Variants in AFMID observed in about 807,000 individuals in gnomAD.
AFMID encodes kynurenine formamidase.
AFMID carries 39 observed loss-of-function variants against 47.5 expected under a neutral mutation model. That is an observed-to-expected ratio of 0.82 (90% CI 0.64 to 1.07). The LOEUF is 1.07. AFMID is among the 50% of genes least tolerant of loss of function. The pLI, the probability that AFMID is intolerant of heterozygous loss-of-function variation, is 0.00. For synonymous variants in AFMID, 130 were observed against 153.2 expected (o/e 0.85, Z 1.12); for missense variants, 375 against 387.5 (o/e 0.97, Z 0.27).
At chr17:78,198,074 C>A (rs1188121506) in intron 2 of AFMID, among the ~76,000 whole-genome samples, 1 of 152,016 alleles carries the variant, frequency 6.6e-6, no homozygotes, top group East Asian at 1.9e-4. Flanking sequence ...ACAAAAAATA[C>A]AAAAGTTAGC....
At position 78,202,701 on chromosome 17, in the gene AFMID, A is replaced by C. The variant is rs1280905381; in HGVS notation, c.260-2A>C. On this transcript the variant is annotated splice_acceptor_variant, in intron 3 of 10. Coordinates refer to ENST00000409257, the MANE Select transcript of AFMID (RefSeq NM_001010982.5). LOFTEE classifies it high-confidence loss of function. ...TCACACGCCCTGTGCTTGGTTTTGCAGCCTTGCCTTTCTTCCTGTTCTTTC... is the reference window on the plus strand; with the variant it reads ...TCACACGCCCTGTGCTTGGTTTTGCCGCCTTGCCTTTCTTCCTGTTCTTTC... 6.4e-7 allele frequency: 1 copy of C among 1,561,230 alleles called. No homozygotes were observed. Among genetic ancestry groups the C allele is most frequent in the South Asian group, 1.2e-5 (1 of 84,980 alleles).
At chr17:78,192,042 A>G (rs2075982855) in intron 2 of AFMID, among the ~76,000 whole-genome samples, 1 of 151,542 alleles carries the variant, frequency 6.6e-6, no homozygotes, top group Non-Finnish European at 1.5e-5. Flanking sequence ...CTTGTTGCCC[A>G]GGCTGGAGTG....
chr17:78,198,586 C>T (rs908775977), intron 2 of AFMID, among the ~76,000 whole-genome samples: 23 of 148,928 alleles, frequency 1.5e-4, no homozygotes, highest in Non-Finnish European at 2.2e-4. Context: ...TTGGAGTGAG[C>T]GGAGATTGCG....
chr17:78,195,580 G>A (rs1413359057), intron 2 of AFMID, among the ~76,000 whole-genome samples: 1 of 148,852 alleles, frequency 6.7e-6, no homozygotes, highest in South Asian at 2.1e-4. Context: ...TCAGCTCACC[G>A]CAACCTCTGC....
At chr17:78,189,202 A>C (rs996968421) in intron 1 of AFMID, among the ~76,000 whole-genome samples, 1 of 150,790 alleles carries the variant, frequency 6.6e-6, no homozygotes, top group African/African-American at 2.4e-5. Context: ...CTTTCTTCAA[A>C]ATCTGGTTCC....
At position 78,205,952 on chromosome 17, in the gene AFMID, T is replaced by G. The variant is rs889343771; in HGVS notation, c.787T>G (p.Cys263Gly). ...RQSWEFYQTL[C>G]QGEWKASFEE... is the part of the protein sequence containing the mutation. ...CCATGTCTCCCCTGCCCAGACCCTGTGTCAAGGAGAGTGGAAAGCCTCATT... is the reference window on the plus strand; with the variant it reads ...CCATGTCTCCCCTGCCCAGACCCTGGGTCAAGGAGAGTGGAAAGCCTCATT... Residue 263 changes from cysteine to glycine, a missense_variant, in exon 10 of 11, where the codon TGT (cysteine) becomes GGT (glycine). Transcript: ENST00000409257. 2 of 1,613,832 alleles carry G rather than the reference T, an allele frequency of 1.2e-6. No individual in the cohort carries two copies. The highest frequency in any genetic ancestry group is 1.7e-6 in the Non-Finnish European group (2 of 1,179,962).
chr17:78,204,779 G>T (rs776745667), intron 5 of AFMID, 38 bp downstream of exon 5: 7 of 1,614,178 alleles, frequency 4.3e-6, no homozygotes, highest in Non-Finnish European at 5.9e-6. Context: ...AGGGCCGGTG[G>T]GCTTTAGGAG....
rs374170732 is a variant in AFMID at position 78,191,086 on chromosome 17, G to A, written c.154+26G>A. On this transcript the variant is annotated intron_variant, in intron 2 of 10. Coordinates refer to ENST00000409257, the MANE Select transcript of AFMID (RefSeq NM_001010982.5). ...GTACTAGTGTGACCTCTCCGTGGCC[G>A]CATTGGGTGTCCTTAAGCATGTGGC... 3.0e-5 allele frequency: 47 copies of A among 1,587,308 alleles called. No individual in the cohort carries two copies. The East Asian group carries it at 3.4e-4, about 11-fold the overall frequency.
intron 1 of AFMID, among the ~76,000 whole-genome samples, chr17:78,188,918 G>C (rs1236907202): frequency 6.6e-6 from 1 of 152,010 alleles, no homozygotes; most frequent in African/African-American, 2.4e-5. Context: ...TTTTAATAGA[G>C]ATGGGGTTTC....
chr17:78,202,449 T>G (rs72897835), intron 2 of AFMID, 50 bp from the exon 3 acceptor site: 126,915 of 1,565,306 alleles, frequency 0.081, 5,860 homozygotes, highest in Non-Finnish European at 0.091. Context: ...AAAGAAAAAT[T>G]TCTACCACCT....
In AFMID at chr17:78,202,703, C is replaced by G. The variant is rs1245696001; in HGVS notation, c.260C>G (p.Ala87Gly). ...DIYFPDESSE[A>G]LPFFLFFHGG... ...ACACGCCCTGTGCTTGGTTTTGCAG[C>G]CTTGCCTTTCTTCCTGTTCTTTCAC... The change falls in exon 4 of 11, where the codon GCC becomes GGC. Residue 87 changes from alanine to glycine, a missense_variant and splice_region_variant. Ala to Gly is a moderately conservative substitution (Grantham distance 60). Transcript: ENST00000409257. 3.2e-6 allele frequency: 5 copies of G among 1,560,574 alleles called. No individual in the cohort carries two copies. The highest frequency in any genetic ancestry group is 1.4e-5 in the African/African-American group (1 of 73,746).
chr17:78,202,538 A>G lies in AFMID; in HGVS notation c.194A>G (p.His65Arg), dbSNP rs1213957502. The G allele has an allele frequency of 2.5e-6, 4 of 1,614,042 alleles. No individual in the cohort carries two copies. The highest frequency in any genetic ancestry group is 2.2e-5 in the South Asian group (2 of 91,084). The change falls in exon 3 of 11, where the codon CAT becomes CGT. Residue 65 changes from histidine (H) to arginine (R), a missense_variant. His to Arg is a conservative substitution (Grantham distance 29). Coordinates refer to ENST00000409257, the MANE Select transcript of AFMID (RefSeq NM_001010982.5). Reference sequence around the variant, plus strand: ...CGGGCCACCAGGAAGAGCCTGCTGCATGTCCCCTATGGAGACGGCGAAGGG... The same window carrying G: ...CGGGCCACCAGGAAGAGCCTGCTGCGTGTCCCCTATGGAGACGGCGAAGGG... ...RARATRKSLL[H>R]VPYGDGEGEK...
chr17:78,191,949 G>A (rs1421126151), intron 2 of AFMID, among the ~76,000 whole-genome samples: 3 of 151,914 alleles, frequency 2.0e-5, no homozygotes, highest in South Asian at 4.1e-4. Flanking sequence ...GCCTCCCAAA[G>A]TGCTGGGATT....
chr17:78,196,992 C>T (rs2145860664), intron 2 of AFMID: 1 of 682,232 alleles, frequency 1.5e-6, no homozygotes. Flanking sequence ...TTTCTCTTTC[C>T]CGAGGTTAGT....
chr17:78,206,768 G>C, intron 10 of AFMID, 143 bp from the exon 11 acceptor site: 1 of 677,484 alleles, frequency 1.5e-6, no homozygotes, highest in Non-Finnish European at 2.5e-6. Context: ...CTGAGTTCAA[G>C]TGATCTTCCC....
chr17:78,193,607 G>A (rs2076033513), intron 2 of AFMID, among the ~76,000 whole-genome samples: 1 of 151,714 alleles, frequency 6.6e-6, no homozygotes, highest in South Asian at 2.1e-4. Context: ...AGTACTGTGG[G>A]AGGTCAAAGC....
At chr17:78,189,368 G>A (rs1034877674) in intron 1 of AFMID, among the ~76,000 whole-genome samples, 8 of 151,284 alleles carry the variant, frequency 5.3e-5, no homozygotes, top group Admixed American at 2.6e-4. Context: ...GATTACGGGC[G>A]CCCGCCACCA....
chr17:78,189,412 G>A (rs2075898880), intron 1 of AFMID, among the ~76,000 whole-genome samples: 2 of 150,440 alleles, frequency 1.3e-5, no homozygotes. Context: ...TAGTAGAGAC[G>A]GAGTTTCACC....
At chr17:78,202,985 TG>T (rs1244087966) in intron 4 of AFMID, 1 of 563,812 alleles carries the variant, frequency 1.8e-6, no homozygotes, top group African/African-American at 1.9e-5. Context: ...AGCTTGTGTC[TG>T]CATAGCTCCA....
Sources: gnomAD v4.1 joint callset for allele counts (sites outside exome capture counted in the v4.1 genomes callset) on GRCh38, gnomAD v4.1.1 for gene constraint, MANE v1.5 for transcripts, NCBI Gene and HGNC (gene_info 2026-07-23, HGNC 2026-07-21) for gene names.